Variants in SPATA13 observed in about 807,000 individuals in gnomAD.
SPATA13 encodes spermatogenesis associated 13, also known as spermatogenesis-associated protein 13.
In SPATA13, 50 loss-of-function variants were observed where a neutral mutation model predicts 104.0. That is an observed-to-expected ratio of 0.48 (90% CI 0.38 to 0.61). The LOEUF is 0.61. Ranked by LOEUF, SPATA13 falls within the 20% of genes least tolerant of loss-of-function variation. The pLI, the probability that SPATA13 is intolerant of heterozygous loss-of-function variation, is 0.00. For synonymous variants in SPATA13, 606 were observed against 667.5 expected, an observed-to-expected ratio of 0.91 and a Z score of 1.42; for missense variants, 1,524 against 1,690.6, an observed-to-expected ratio of 0.90 and a Z score of 1.73.
intron 2 of SPATA13, among the ~76,000 whole-genome samples, chr13:24,006,781 A>T (rs78519490): frequency 6.6e-6 from 1 of 152,188 alleles, no homozygotes; most frequent in Admixed American, 6.5e-5. Context: ...GTGCCCTTGC[A>T]TTCATGTGCC....
intron 2 of SPATA13, among the ~76,000 whole-genome samples, chr13:24,242,856 C>G (rs1156542202): frequency 6.6e-6 from 1 of 152,178 alleles, no homozygotes; most frequent in Non-Finnish European, 1.5e-5. Flanking sequence ...CACTTAAAAT[C>G]CTAGGACAGA....
chr13:24,071,203 T>C (rs758101240), intron 3 of SPATA13, among the ~76,000 whole-genome samples: 1 of 152,124 alleles, frequency 6.6e-6, no homozygotes, highest in Non-Finnish European at 1.5e-5. Context: ...GACAGCTGCA[T>C]CTCAGTGGAG....
chr13:24,037,615 G>A (rs1265247111), intron 3 of SPATA13, among the ~76,000 whole-genome samples: 3 of 151,922 alleles, frequency 2.0e-5, no homozygotes, highest in South Asian at 2.1e-4. Context: ...TCACCATGTT[G>A]GCCACGGTGG....
chr13:24,284,465 C>T (rs1235700251), intron 5 of SPATA13, among the ~76,000 whole-genome samples, 194 bp downstream of exon 5: 2 of 152,032 alleles, frequency 1.3e-5, no homozygotes, highest in East Asian at 1.9e-4. Flanking sequence ...GTTTAAGACC[C>T]GCCTGGCCAA....
chr13:24,261,234 C>A (rs918885761), intron 4 of SPATA13, among the ~76,000 whole-genome samples: 3 of 152,180 alleles, frequency 2.0e-5, no homozygotes, highest in Non-Finnish European at 4.4e-5. Context: ...ATATGAAGAA[C>A]CGAGAGGTCG....
chr13:23,999,428 A>C (rs894992921), intron 2 of SPATA13, among the ~76,000 whole-genome samples: 2 of 149,134 alleles, frequency 1.3e-5, no homozygotes. Context: ...TAGAATATTT[A>C]GACCAATTTG....
chr13:24,298,520 C>A (rs1876951375), intron 11 of SPATA13, among the ~76,000 whole-genome samples: 2 of 152,180 alleles, frequency 1.3e-5, no homozygotes, highest in South Asian at 2.1e-4. Flanking sequence ...AGTCTCTGAG[C>A]CTCTATTTCA....
At chr13:23,991,121 G>A (rs1875391644) in intron 2 of SPATA13, among the ~76,000 whole-genome samples, 1 of 152,204 alleles carries the variant, frequency 6.6e-6, no homozygotes, top group Admixed American at 6.5e-5. Flanking sequence ...TCCCTGAGTG[G>A]AGAAGGGGCA....
At chr13:24,248,125 C>G (rs567796240) in intron 2 of SPATA13, among the ~76,000 whole-genome samples, 1 of 152,326 alleles carries the variant, frequency 6.6e-6, no homozygotes, top group African/African-American at 2.4e-5. Context: ...GGCCTCCACT[C>G]CTGCAGGTCT....
At chr13:24,234,485 A>G (rs556397965) in intron 2 of SPATA13, among the ~76,000 whole-genome samples, 37 of 152,294 alleles carry the variant, frequency 2.4e-4, no homozygotes, top group Non-Finnish European at 4.0e-4. Flanking sequence ...CCCAGGGTGG[A>G]ATTGCTTTCA....
At chr13:24,170,437 A>T (rs1330176785) in intron 1 of SPATA13, among the ~76,000 whole-genome samples, 1 of 152,284 alleles carries the variant, frequency 6.6e-6, no homozygotes, top group East Asian at 1.9e-4. Context: ...GACACTACTC[A>T]TCTCCTTCAG....
chr13:24,232,809 G>A (rs1037747028), intron 2 of SPATA13, among the ~76,000 whole-genome samples: 5 of 152,128 alleles, frequency 3.3e-5, no homozygotes, highest in Admixed American at 1.3e-4. Flanking sequence ...TCGGCCTCCC[G>A]GAGTGCTGAG....
chr13:24,064,700 C>T (rs539206562), intron 3 of SPATA13, among the ~76,000 whole-genome samples: 1 of 152,316 alleles, frequency 6.6e-6, no homozygotes, highest in African/African-American at 2.4e-5. Context: ...CTAAGCTACC[C>T]AGTCTATGGT....
chr13:24,257,570 C>A (rs1461157506), intron 4 of SPATA13, among the ~76,000 whole-genome samples: 1 of 151,504 alleles, frequency 6.6e-6, no homozygotes, highest in East Asian at 1.9e-4. Context: ...ATGTTTCTAA[C>A]TTACTGAAGT....
At chr13:24,134,178 G>T (rs1303922643) in intron 3 of SPATA13, among the ~76,000 whole-genome samples, 1 of 152,188 alleles carries the variant, frequency 6.6e-6, no homozygotes, top group Admixed American at 6.5e-5. Context: ...GTGGGTTTGG[G>T]CCAATGAATT....
At chr13:24,165,809 A>C (rs983389335) in intron 1 of SPATA13, among the ~76,000 whole-genome samples, 1 of 152,208 alleles carries the variant, frequency 6.6e-6, no homozygotes, top group Non-Finnish European at 1.5e-5. Flanking sequence ...TGTTAATGCG[A>C]CAATTCAGTC....
At position 24,286,227 on chromosome 13, in the gene SPATA13, G is replaced by A. The variant is rs770276802; in HGVS notation, c.2315G>A (p.Gly772Asp). The part of the protein sequence containing the change: ...QLAINELISD[G>D]NVVCAEALWD... The stretch of plus-strand genomic sequence containing the variant: ...GTCTCCTTTCAGCTGATCAGTGATG[G>A]CAACGTGGTCTGCGCAGAAGCCCTG... The change falls in exon 6 of 13, where the codon GGC becomes GAC. Residue 772 changes from glycine (G) to aspartate (D), a missense_variant. Physicochemically the swap from Gly to Asp is moderately conservative, Grantham distance 94. Around this residue, in one of 2 missense-constraint regions of SPATA13, gnomAD observed 1,089 missense variants for 1,135.9 expected, o/e 0.96. Transcript: ENST00000382108. This position sits in a 1 kb window ranked among gnomAD's most constrained non-coding sequence, Gnocchi z 4.9. 14 of 1,612,248 alleles carry A rather than the reference G, an allele frequency of 8.7e-6. No individual in the cohort carries two copies. Among genetic ancestry groups the A allele is most frequent in the Admixed American group, 1.7e-5 (1 of 59,880 alleles).
chr13:24,176,553 A>G (rs1319017347), intron 1 of SPATA13, among the ~76,000 whole-genome samples: 5 of 152,032 alleles, frequency 3.3e-5, no homozygotes, highest in African/African-American at 1.2e-4. Flanking sequence ...CCTTTGATTA[A>G]TGGGACCAGG....
Position 24,205,926 on chromosome 13 carries a change from C to T in SPATA13, c.-111-16893C>T. On this transcript the variant is annotated intron_variant, in intron 1 of 12. Coordinates refer to ENST00000382108, the MANE Select transcript of SPATA13 (RefSeq NM_001166271.3). This position sits in a 1 kb window ranked among gnomAD's most constrained non-coding sequence, Gnocchi z 4.1. ...TCCTTACACCATATACAAAAATCAA[C>T]TCAAGATAAATTAAAGGCTTAAATG... Among the ~76,000 whole-genome samples the T allele has an allele frequency of 6.6e-6, 1 of 152,238 alleles. No homozygotes were observed. The highest frequency in any genetic ancestry group is 1.9e-4 in the East Asian group (1 of 5,188).
Sources: allele counts gnomAD v4.1 joint callset (sites outside exome capture counted in the v4.1 genomes callset), GRCh38; gene constraint gnomAD v4.1.1; regional missense constraint gnomAD v4.1.1; non-coding constraint Gnocchi (gnomAD v3.1); transcripts MANE v1.5; gene names NCBI Gene and HGNC (gene_info 2026-07-23, HGNC 2026-07-21).